Variants in KCNK2 observed in about 807,000 individuals in gnomAD.
KCNK2 encodes the protein potassium two pore domain channel subfamily K member 2.
KCNK2 carries 21 observed loss-of-function variants against 40.5 expected under a neutral mutation model. The observed-to-expected ratio is 0.52, with a 90% CI of 0.37 to 0.75. KCNK2 has a LOEUF of 0.75. Among genes scored for constraint, KCNK2 ranks in the 30% least tolerant of loss-of-function variants. The probability of loss-of-function intolerance (pLI) is 0.00; values close to 1 mark genes in which losing one functional copy is unlikely to be tolerated. For synonymous variants in KCNK2, 191 were observed against 202.2 expected, an observed-to-expected ratio of 0.94 and a Z score of 0.47; for missense variants, 399 against 531.6, an observed-to-expected ratio of 0.75 and a Z score of 2.45.
intron 1 of KCNK2, among the ~76,000 whole-genome samples, chr1:215,008,943 G>T (rs1293835863): frequency 2.0e-5 from 3 of 151,906 alleles, no homozygotes; most frequent in Non-Finnish European, 2.9e-5. Context: ...AATTTGATTT[G>T]TCATTCTATA....
intron 3 of KCNK2, among the ~76,000 whole-genome samples, chr1:215,135,648 A>G (rs906712628): frequency 2.6e-5 from 4 of 152,014 alleles, no homozygotes. Flanking sequence ...TTCCCACAAG[A>G]CTGTGTCACA....
At chr1:215,096,917 T>C (rs191958897) in intron 2 of KCNK2, among the ~76,000 whole-genome samples, 8 of 152,040 alleles carry the variant, frequency 5.3e-5, no homozygotes, top group Non-Finnish European at 1.2e-4. Context: ...CCTTCTAATT[T>C]TTAAAAGTTC....
At chr1:215,042,003 A>G (rs1428383878) in intron 1 of KCNK2, among the ~76,000 whole-genome samples, 1 of 152,194 alleles carries the variant, frequency 6.6e-6, no homozygotes, top group East Asian at 1.9e-4. Context: ...GAGCATTTGC[A>G]GGGGAACTCT....
intron 1 of KCNK2, among the ~76,000 whole-genome samples, chr1:215,027,177 T>G (rs773502517): frequency 1.3e-5 from 2 of 152,144 alleles, no homozygotes; most frequent in African/African-American, 2.4e-5. Context: ...TTTAAGTACA[T>G]AATCGTATCA....
intron 6 of KCNK2, among the ~76,000 whole-genome samples, chr1:215,201,640 A>G (rs1665084352): frequency 6.6e-6 from 1 of 152,142 alleles, no homozygotes; most frequent in African/African-American, 2.4e-5. Context: ...TTACTATGTG[A>G]TGAGTGCTGT....
At chr1:215,180,141 G>A (rs1457929294) in intron 5 of KCNK2, among the ~76,000 whole-genome samples, 1 of 151,984 alleles carries the variant, frequency 6.6e-6, no homozygotes, top group Non-Finnish European at 1.5e-5. Context: ...TACTGTTGTT[G>A]GCTTAAAGTC....
At chr1:215,047,166 G>T (rs919442197) in intron 1 of KCNK2, among the ~76,000 whole-genome samples, 2 of 152,016 alleles carry the variant, frequency 1.3e-5, no homozygotes, top group Admixed American at 6.5e-5. Flanking sequence ...TCCTTGAAAA[G>T]ATTTAACACA....
At chr1:215,005,918 C>T (rs780223600) in exon 1 of KCNK2, 3 of 1,612,872 alleles carry the variant, frequency 1.9e-6, no homozygotes, top group Non-Finnish European at 2.5e-6. Flanking sequence ...GAAAACATCA[C>T]CAAATGATGA....
At chr1:215,009,682 G>T (rs1474125194) in intron 1 of KCNK2, among the ~76,000 whole-genome samples, 1 of 151,730 alleles carries the variant, frequency 6.6e-6, no homozygotes, top group Admixed American at 6.6e-5. Context: ...CTTTAATAGT[G>T]GTCTTAAACT....
intron 1 of KCNK2, among the ~76,000 whole-genome samples, chr1:215,018,270 A>G (rs1440587755): frequency 6.6e-6 from 1 of 152,176 alleles, no homozygotes; most frequent in Non-Finnish European, 1.5e-5. Context: ...TTTCCCACTA[A>G]AAGAATCCAA....
At chr1:215,185,929 A>C (rs1223737683) in intron 5 of KCNK2, among the ~76,000 whole-genome samples, 3 of 152,230 alleles carry the variant, frequency 2.0e-5, no homozygotes, top group African/African-American at 7.2e-5. Context: ...TATTAAAGGA[A>C]AAGAAGTATA....
At chr1:215,208,814 A>G (rs1665428700) in intron 6 of KCNK2, among the ~76,000 whole-genome samples, 1 of 151,842 alleles carries the variant, frequency 6.6e-6, no homozygotes, top group African/African-American at 2.4e-5. Context: ...GGCCCCTTCA[A>G]TTTCCCTTTG....
At chr1:215,115,752 T>G (rs1337113855) in intron 2 of KCNK2, among the ~76,000 whole-genome samples, 1 of 151,578 alleles carries the variant, frequency 6.6e-6, no homozygotes, top group African/African-American at 2.4e-5. Flanking sequence ...AATTAATCTT[T>G]TTCTTCCACT....
intron 2 of KCNK2, among the ~76,000 whole-genome samples, chr1:215,118,768 C>T (rs372720113): frequency 3.3e-5 from 5 of 152,108 alleles, no homozygotes; most frequent in Non-Finnish European, 5.9e-5. Flanking sequence ...AAGTTGGCAT[C>T]GAACCAGTTA....
At chr1:215,073,195 T>C (rs67098096) in intron 1 of KCNK2, among the ~76,000 whole-genome samples, 21,977 of 152,076 alleles carry the variant, frequency 0.14, 1,602 homozygotes, top group Middle Eastern at 0.26. Flanking sequence ...GGAAGGATTC[T>C]TCCTTAGAGC....
At chr1:215,130,706 G>T (rs541680217) in intron 3 of KCNK2, among the ~76,000 whole-genome samples, 2 of 152,266 alleles carry the variant, frequency 1.3e-5, no homozygotes, top group East Asian at 3.9e-4. Context: ...TATGGGAAAA[G>T]ATGTTGACTT....
upstream of KCNK2, among the ~76,000 whole-genome samples, chr1:215,005,558 A>C (rs1656097330): frequency 6.6e-6 from 1 of 152,192 alleles, no homozygotes; most frequent in African/African-American, 2.4e-5. Context: ...TTGTGAGAAT[A>C]AGTGACGCTG....
At chr1:215,009,766 AT>A (rs1356762213) in intron 1 of KCNK2, among the ~76,000 whole-genome samples, 1 of 152,198 alleles carries the variant, frequency 6.6e-6, no homozygotes, top group African/African-American at 2.4e-5. Context: ...AAAAAAAGAT[AT>A]AGTATAATTG....
Position 215,039,869 on chromosome 1 carries a change from A to T in KCNK2, c.34+33914A>T, listed in dbSNP as rs536427894. On this transcript the variant is annotated intron_variant, in intron 1 of 6. Coordinates refer to the KCNK2 transcript ENST00000391895. ...AGGTACTTGGGACAGAGGAGGGATG[A>T]ATGAAGGCTTTTCCTATCGTTGTTT... Among the ~76,000 whole-genome samples, 5 of 152,244 alleles carry T rather than the reference A, an allele frequency of 3.3e-5. No homozygotes were observed. In the East Asian group the frequency reaches 7.7e-4, roughly 24 times the overall value.
Sources: allele counts gnomAD v4.1 joint callset (sites outside exome capture counted in the v4.1 genomes callset), GRCh38; gene constraint gnomAD v4.1.1; transcripts MANE v1.5; gene names NCBI Gene and HGNC (gene_info 2026-07-23, HGNC 2026-07-21).